FLT4: variants seen among roughly 807,000 people sequenced by gnomAD.
The protein encoded by FLT4 is vascular endothelial growth factor receptor 3.
FLT4 carries 30 observed loss-of-function variants against 163.2 expected under a neutral mutation model. The observed-to-expected ratio is 0.18, with a 90% CI of 0.14 to 0.25. The LOEUF is 0.25. Among genes scored for constraint, FLT4 ranks in the 10% least tolerant of loss-of-function variants. The probability of loss-of-function intolerance (pLI) is 1.00; values close to 1 mark genes in which losing one functional copy is unlikely to be tolerated. For missense variants in FLT4, 1,510 were observed against 1,863.8 expected (o/e 0.81, Z 3.50); for synonymous variants, 884 against 789.5 (o/e 1.12, Z -2.01).
chr5:180,642,031 A>G (rs1030995166), intron 1 of FLT4, among the ~76,000 whole-genome samples: 21 of 152,128 alleles, frequency 1.4e-4, no homozygotes, highest in South Asian at 4.2e-4. Context: ...ACATGGTGAA[A>G]CCCCATCTCT....
At chr5:180,649,057 A>T (rs1765622498) in intron 1 of FLT4, among the ~76,000 whole-genome samples, 1 of 151,868 alleles carries the variant, frequency 6.6e-6, no homozygotes, top group African/African-American at 2.4e-5. Context: ...GGAAGTGCGC[A>T]CCCAAGTCCG....
intron 12 of FLT4, 42 bp downstream of exon 12, chr5:180,622,689 G>C (rs753031435): frequency 7.8e-7 from 1 of 1,284,036 alleles, no homozygotes; most frequent in South Asian, 1.2e-5. Context: ...GCCCCCTCCT[G>C]ACCCTGTACC....
At position 180,602,148 on chromosome 5, in the gene FLT4, T is replaced by C. The variant is rs1035652425; in HGVS notation, c.*1044A>G. Reference sequence around the variant, plus strand: ...GCAGGTCCCCAGAATGTCCACTGAGTGCTGGGTGGCACAGGGCAATGCTGG... The same window carrying C: ...GCAGGTCCCCAGAATGTCCACTGAGCGCTGGGTGGCACAGGGCAATGCTGG... On this transcript the variant is annotated 3_prime_UTR_variant, in exon 30 of 30. Coordinates refer to ENST00000261937, the MANE Select transcript of FLT4 (RefSeq NM_182925.5). 6 of 234,080 alleles carry C rather than the reference T, an allele frequency of 2.6e-5. No homozygotes were observed. The highest frequency in any genetic ancestry group is 1.1e-4 in the Admixed American group (2 of 17,806). 14.5% of individuals were successfully genotyped at this position (234,080 alleles called of 1,614,324 possible).
chr5:180,649,046 G>A (rs13175666), intron 1 of FLT4, among the ~76,000 whole-genome samples: 1 of 152,110 alleles, frequency 6.6e-6, no homozygotes, highest in Non-Finnish European at 1.5e-5. Flanking sequence ...GCTGGGCGTC[G>A]GGAAGTGCGC....
Position 180,630,830 on chromosome 5 carries a change from C to T in FLT4, c.156-31G>A. Reference sequence around the variant, plus strand: ...AGAGGACAGGAGTGGTCAGGTGGGCCCCAGGGCAGCCCATGGGGACTGTCC... The same window carrying T: ...AGAGGACAGGAGTGGTCAGGTGGGCTCCAGGGCAGCCCATGGGGACTGTCC... On this transcript the variant is annotated intron_variant, in intron 2 of 29. Coordinates refer to ENST00000261937, the MANE Select transcript of FLT4 (RefSeq NM_182925.5). The surrounding 1 kb of genome is among the most constrained non-coding windows in gnomAD (Gnocchi z 6.3). 6.3e-7 allele frequency: 1 copy of T among 1,578,710 alleles called. No individual in the cohort carries two copies. The highest frequency in any genetic ancestry group is 1.7e-5 in the Admixed American group (1 of 58,054).
chr5:180,609,060 G>A lies in FLT4; in HGVS notation c.3808-7C>T. On this transcript the variant is annotated splice_region_variant and splice_polypyrimidine_tract_variant and intron_variant, in intron 28 of 29. Coordinates refer to ENST00000261937, the MANE Select transcript of FLT4 (RefSeq NM_182925.5). ...CACTGTCTGTCTGGTTGTCCTGTGT[G>A]GAGAGGACAAGCCAGGCTGTGGGTC... is the stretch of plus-strand genomic sequence containing the variant. The A allele has an allele frequency of 1.2e-6, 2 of 1,613,322 alleles. No individual in the cohort carries two copies. The highest frequency in any genetic ancestry group is 1.7e-6 in the Non-Finnish European group (2 of 1,179,226).
intron 29 of FLT4, among the ~76,000 whole-genome samples, chr5:180,604,252 A>G (rs1050667409): frequency 1.3e-4 from 19 of 151,842 alleles, no homozygotes; most frequent in African/African-American, 4.1e-4. Context: ...TGTCTTGCCC[A>G]TCTCAGTGAA....
intron 12 of FLT4, 65 bp downstream of exon 12, chr5:180,622,666 T>C (rs1407198244): frequency 1.0e-6 from 1 of 990,810 alleles, no homozygotes; most frequent in Non-Finnish European, 1.6e-6. Flanking sequence ...AGAAACTCAA[T>C]GAGCCCAAAC....
intron 28 of FLT4, chr5:180,609,653 T>C (rs1762022567): frequency 1.9e-5 from 9 of 479,784 alleles, no homozygotes; most frequent in Non-Finnish European, 2.7e-5. Context: ...GAGCCGTCCT[T>C]CCACTGGGGT....
intron 1 of FLT4, among the ~76,000 whole-genome samples, chr5:180,637,628 G>A (rs1764789098): frequency 6.6e-6 from 1 of 152,158 alleles, no homozygotes; most frequent in African/African-American, 2.4e-5. Context: ...CACCTTCCGG[G>A]TTCAAGTGAT....
intron 1 of FLT4, among the ~76,000 whole-genome samples, chr5:180,640,045 C>T (rs10479578): frequency 0.027 from 4,137 of 152,338 alleles, 86 homozygotes; most frequent in South Asian, 0.11. Context: ...GGACACCCTC[C>T]GTCCTCGGGC....
chr5:180,622,933 C>CA (rs952215660), intron 11 of FLT4, 94 bp from the exon 12 acceptor site: 50 of 791,848 alleles, frequency 6.3e-5, no homozygotes, highest in Non-Finnish European at 1.1e-4. Flanking sequence ...GCACCACCCC[C>CA]CCCAATCATG....
chr5:180,606,114 A>G (rs1212449413), intron 29 of FLT4, among the ~76,000 whole-genome samples: 1 of 152,242 alleles, frequency 6.6e-6, no homozygotes, highest in African/African-American at 2.4e-5. Context: ...CATTGTCGAC[A>G]GAGGACAAAG....
chr5:180,621,088 C>A lies in FLT4; in HGVS notation c.2167+18G>T. ...GCGGGCCTCCGGACCTGCCCTTCGCCAGGGCCACCCTCCCTACCAGACTTT... is the reference window on the plus strand; with the variant it reads ...GCGGGCCTCCGGACCTGCCCTTCGCAAGGGCCACCCTCCCTACCAGACTTT... On this transcript the variant is annotated intron_variant, in intron 14 of 29. Coordinates refer to ENST00000261937, the MANE Select transcript of FLT4 (RefSeq NM_182925.5). 6.2e-7 allele frequency: 1 copy of A among 1,612,762 alleles called. No homozygotes were observed. The highest frequency in any genetic ancestry group is 8.5e-7 in the Non-Finnish European group (1 of 1,179,964).
intron 8 of FLT4, among the ~76,000 whole-genome samples, chr5:180,628,188 A>C (rs3797102): frequency 6.6e-6 from 1 of 152,070 alleles, no homozygotes; most frequent in Non-Finnish European, 1.5e-5. Flanking sequence ...TCGTCTATGC[A>C]ATGGGGACTC....
intron 11 of FLT4, 60 bp from the exon 12 acceptor site, chr5:180,622,899 G>A: frequency 5.1e-6 from 6 of 1,167,620 alleles, no homozygotes; most frequent in South Asian, 1.2e-5. Context: ...CCTGGGCCCT[G>A]TCTTTCTGCA....
In FLT4 at chr5:180,621,525, C is replaced by T; in HGVS notation, c.2020+17G>A. 3.7e-6 allele frequency: 6 copies of T among 1,610,742 alleles called. No homozygotes were observed. The highest frequency in any genetic ancestry group is 5.1e-6 in the Non-Finnish European group (6 of 1,179,444). ...TAGAAGAGAGCGCGTCCCCGCCCTC[C>T]CCGCGGCCAGCCTCACCCTGCACCG... On this transcript the variant is annotated intron_variant, in intron 13 of 29. Transcript: ENST00000261937.
At chr5:180,615,424 T>TTCCGAAA (rs1762588901) in intron 23 of FLT4, among the ~76,000 whole-genome samples, 1 of 133,032 alleles carries the variant, frequency 7.5e-6, no homozygotes, top group Non-Finnish European at 1.7e-5. Context: ...CCTTCTCCAC[T>TTCCGAAA]TCCTTTCGGA....
intron 1 of FLT4, among the ~76,000 whole-genome samples, chr5:180,647,402 G>A (rs1765539321): frequency 6.6e-6 from 1 of 152,122 alleles, no homozygotes; most frequent in African/African-American, 2.4e-5. Context: ...GGGAAACTGA[G>A]GTGCAGGGAG....
Sources: gnomAD v4.1 joint callset for allele counts (sites outside exome capture counted in the v4.1 genomes callset) on GRCh38, gnomAD v4.1.1 for gene constraint, Gnocchi (gnomAD v3.1) non-coding constraint, MANE v1.5 for transcripts, NCBI Gene and HGNC (gene_info 2026-07-23, HGNC 2026-07-21) for gene names.